ESRRG: variants seen among roughly 807,000 people sequenced by gnomAD.
ESRRG encodes estrogen related receptor gamma.
Under a neutral mutation model 44.0 loss-of-function variants are expected in ESRRG, and 13 were observed. That is an observed-to-expected ratio of 0.30 (90% CI 0.19 to 0.47). ESRRG has a LOEUF of 0.47. Among genes scored for constraint, ESRRG ranks in the 20% least tolerant of loss-of-function variants. ESRRG has a pLI of 1.00. For missense variants in ESRRG, 395 were observed against 580.6 expected (o/e 0.68, Z 3.29); for synonymous variants, 215 against 214.6 (o/e 1.00, Z -0.02).
chr1:216,737,556 G>A (rs538382327), intron 2 of ESRRG, among the ~76,000 whole-genome samples: 1 of 152,268 alleles, frequency 6.6e-6, no homozygotes, highest in East Asian at 1.9e-4. Flanking sequence ...TGCCAAAGTA[G>A]CAACTGAGAC....
chr1:217,025,049 T>C (rs1360909376), intron 1 of ESRRG, among the ~76,000 whole-genome samples: 1 of 152,102 alleles, frequency 6.6e-6, no homozygotes, highest in Non-Finnish European at 1.5e-5. Context: ...ACCACCTTCC[T>C]CGTTATCCTG....
At chr1:216,693,745 T>A (rs963394273) in intron 1 of ESRRG, among the ~76,000 whole-genome samples, 1 of 152,222 alleles carries the variant, frequency 6.6e-6, no homozygotes, top group Non-Finnish European at 1.5e-5. Flanking sequence ...TATCTGCAGT[T>A]GGTCAAATCC....
chr1:216,964,825 T>C (rs1244044399), intron 1 of ESRRG, among the ~76,000 whole-genome samples: 1 of 152,144 alleles, frequency 6.6e-6, no homozygotes, highest in East Asian at 1.9e-4. Context: ...AACGTTATTT[T>C]ACATATTTGA....
chr1:217,074,113 T>G (rs1046698217), intron 1 of ESRRG, among the ~76,000 whole-genome samples: 1 of 148,912 alleles, frequency 6.7e-6, no homozygotes, highest in Non-Finnish European at 1.5e-5. Flanking sequence ...AATGGCACAA[T>G]CTCGGCTCAC....
intron 1 of ESRRG, among the ~76,000 whole-genome samples, chr1:217,096,686 A>G: frequency 7.6e-6 from 1 of 132,214 alleles, no homozygotes; most frequent in Non-Finnish European, 1.6e-5. Context: ...CCTCCCCATG[A>G]CAGCCCACTG....
At chr1:216,840,506 T>C (rs181364572) in intron 2 of ESRRG, among the ~76,000 whole-genome samples, 1 of 92,408 alleles carries the variant, frequency 1.1e-5, no homozygotes, top group South Asian at 5.0e-4. Context: ...GTAGCACTTT[T>C]AATATTCTTC....
chr1:216,754,702 C>CTTTTTTTTTTTT (rs202242433), intron 2 of ESRRG, among the ~76,000 whole-genome samples: 1 of 121,316 alleles, frequency 8.2e-6, no homozygotes, highest in African/African-American at 2.8e-5. Flanking sequence ...AGAGAAAGAA[C>CTTTTTTTTTTTT]TTTTTTTTTT....
At chr1:217,130,463 T>C (rs757436391) in intron 1 of ESRRG, among the ~76,000 whole-genome samples, 17 of 152,116 alleles carry the variant, frequency 1.1e-4, no homozygotes, top group Non-Finnish European at 2.1e-4. Context: ...CTTGAACTCC[T>C]AGCTTCAAGC....
intron 1 of ESRRG, among the ~76,000 whole-genome samples, chr1:217,034,525 C>A (rs2082552550): frequency 6.6e-6 from 1 of 152,132 alleles, no homozygotes; most frequent in Non-Finnish European, 1.5e-5. Context: ...CACTGGCGGA[C>A]CTGGCCTTCT....
At chr1:217,083,338 T>C (rs2091892423) in intron 1 of ESRRG, among the ~76,000 whole-genome samples, 1 of 152,236 alleles carries the variant, frequency 6.6e-6, no homozygotes, top group Admixed American at 6.5e-5. Context: ...CTACTCGGTA[T>C]ACTAATATTT....
At chr1:216,895,060 C>T (rs990452084) in intron 2 of ESRRG, among the ~76,000 whole-genome samples, 4 of 152,098 alleles carry the variant, frequency 2.6e-5, no homozygotes, top group Non-Finnish European at 5.9e-5. Flanking sequence ...CGGATAAACC[C>T]TTGCACCATG....
At chr1:217,056,789 C>T (rs2087195064) in intron 1 of ESRRG, among the ~76,000 whole-genome samples, 2 of 151,308 alleles carry the variant, frequency 1.3e-5, no homozygotes, top group African/African-American at 4.9e-5. Flanking sequence ...TCCTCTTGAA[C>T]CCCAAAATAC....
chr1:216,630,451 C>CACAT (rs1339882455), intron 3 of ESRRG, among the ~76,000 whole-genome samples: 3 of 86,446 alleles, frequency 3.5e-5, no homozygotes, highest in African/African-American at 1.2e-4. Context: ...TGTGAACACA[C>CACAT]ACACACACAC....
At chr1:216,578,271 T>G (rs1486304202) in intron 3 of ESRRG, among the ~76,000 whole-genome samples, 8 of 151,682 alleles carry the variant, frequency 5.3e-5, no homozygotes, top group African/African-American at 1.7e-4. Context: ...TCTTATTTCT[T>G]GTAACATTGG....
At chr1:216,679,399 G>T (rs1432337730) in intron 1 of ESRRG, among the ~76,000 whole-genome samples, 1 of 152,126 alleles carries the variant, frequency 6.6e-6, no homozygotes, top group Non-Finnish European at 1.5e-5. Context: ...CAGCAGCCCT[G>T]TGAATTCCTT....
At chr1:216,569,886 G>C (rs1345583304) in intron 3 of ESRRG, among the ~76,000 whole-genome samples, 1 of 152,080 alleles carries the variant, frequency 6.6e-6, no homozygotes, top group East Asian at 1.9e-4. Flanking sequence ...AAGCTACATA[G>C]CACATGCAGT....
intron 2 of ESRRG, among the ~76,000 whole-genome samples, chr1:216,923,673 C>A (rs1434231647): frequency 6.6e-6 from 1 of 152,192 alleles, no homozygotes; most frequent in African/African-American, 2.4e-5. Context: ...TTAAGGACAG[C>A]ATCATTCCAT....
chr1:216,524,485 C>A (rs1313367273), intron 5 of ESRRG, among the ~76,000 whole-genome samples: 1 of 151,524 alleles, frequency 6.6e-6, no homozygotes, highest in East Asian at 1.9e-4. Flanking sequence ...AAATACAATA[C>A]CTATAATACT....
chr1:216,753,862 G>C (rs1162965451), intron 2 of ESRRG, among the ~76,000 whole-genome samples: 1 of 151,926 alleles, frequency 6.6e-6, no homozygotes, highest in African/African-American at 2.4e-5. Context: ...GAAGGACCGG[G>C]TGTGCATGCA....
Sources: allele counts gnomAD v4.1 joint callset (sites outside exome capture counted in the v4.1 genomes callset), GRCh38; gene constraint gnomAD v4.1.1; transcripts MANE v1.5; gene names NCBI Gene and HGNC (gene_info 2026-07-23, HGNC 2026-07-21).